ROBO2: variants seen among roughly 807,000 people sequenced by gnomAD.
ROBO2 encodes the protein roundabout homolog 2.
ROBO2 carries 53 observed loss-of-function variants against 160.8 expected under a neutral mutation model. That is an observed-to-expected ratio of 0.33 (90% confidence interval 0.26 to 0.41). The LOEUF (loss-of-function observed/expected upper bound fraction) is 0.41. Ranked by LOEUF, ROBO2 falls within the 10% of genes least tolerant of loss-of-function variation. The pLI, the probability that ROBO2 is intolerant of heterozygous loss-of-function variation, is 1.00. For missense variants in ROBO2, 1,577 were observed against 1,722.4 expected, an observed-to-expected ratio of 0.92 and a Z score of 1.49; for synonymous variants, 664 against 611.7, an observed-to-expected ratio of 1.09 and a Z score of -1.26.
At chr3:77,176,173 G>A (rs1425992854) in intron 2 of ROBO2, among the ~76,000 whole-genome samples, 1 of 151,820 alleles carries the variant, frequency 6.6e-6, no homozygotes, top group Non-Finnish European at 1.5e-5. Context: ...ATTCTAAGAA[G>A]CAAGAGAGGG....
chr3:75,971,283 A>G (rs1270915161), intron 2 of ROBO2, among the ~76,000 whole-genome samples: 1 of 151,548 alleles, frequency 6.6e-6, no homozygotes, highest in Non-Finnish European at 1.5e-5. Context: ...TCAAAATATA[A>G]TAATGAGGTA....
intron 1 of ROBO2, among the ~76,000 whole-genome samples, chr3:77,065,113 C>T (rs1047777900): frequency 6.6e-6 from 1 of 152,118 alleles, no homozygotes; most frequent in African/African-American, 2.4e-5. Context: ...GAGGGAACTG[C>T]ATATAAAATA....
At chr3:77,017,218 T>TA (rs1205480984) in intron 2 of ROBO2, among the ~76,000 whole-genome samples, 3 of 152,214 alleles carry the variant, frequency 2.0e-5, no homozygotes, top group African/African-American at 7.2e-5. Flanking sequence ...TCTAATTTTA[T>TA]AAACTGCAAG....
chr3:76,866,526 C>T (rs554284515), intron 2 of ROBO2, among the ~76,000 whole-genome samples: 36 of 152,084 alleles, frequency 2.4e-4, no homozygotes, highest in African/African-American at 8.7e-4. Flanking sequence ...TTACATTAAA[C>T]TAAAATTAAT....
intron 8 of ROBO2, among the ~76,000 whole-genome samples, chr3:77,552,863 A>T (rs192995011): frequency 5.3e-5 from 8 of 152,158 alleles, no homozygotes; most frequent in African/African-American, 1.9e-4. Flanking sequence ...GATTTTTCAT[A>T]CAGGTTAATG....
chr3:77,309,696 G>T (rs2063382235), intron 2 of ROBO2, among the ~76,000 whole-genome samples: 1 of 152,184 alleles, frequency 6.6e-6, no homozygotes, highest in African/African-American at 2.4e-5. Flanking sequence ...GTCTGCAAAG[G>T]CAAAACATCA....
intron 2 of ROBO2, among the ~76,000 whole-genome samples, chr3:76,516,771 A>C (rs1425770324): frequency 6.6e-6 from 1 of 152,164 alleles, no homozygotes; most frequent in Non-Finnish European, 1.5e-5. Flanking sequence ...ATTCCGACCT[A>C]AAAACAGTAT....
intron 2 of ROBO2, among the ~76,000 whole-genome samples, chr3:76,398,986 A>C (rs2077651526): frequency 6.6e-6 from 1 of 151,834 alleles, no homozygotes; most frequent in African/African-American, 2.4e-5. Flanking sequence ...TAAATTACAC[A>C]CAAATAATAC....
chr3:77,216,213 G>C (rs1032485478), intron 2 of ROBO2, among the ~76,000 whole-genome samples: 1 of 152,202 alleles, frequency 6.6e-6, no homozygotes, highest in Admixed American at 6.5e-5. Flanking sequence ...TTGAGCTACA[G>C]TGGGCTCCAC....
chr3:76,350,314 A>G (rs561632321), intron 2 of ROBO2, among the ~76,000 whole-genome samples: 1 of 152,208 alleles, frequency 6.6e-6, no homozygotes, highest in Admixed American at 6.6e-5. Flanking sequence ...TCTGTTTTCC[A>G]TAACTGATAT....
chr3:77,362,055 C>A (rs531988395), intron 2 of ROBO2, among the ~76,000 whole-genome samples: 1 of 152,030 alleles, frequency 6.6e-6, no homozygotes, highest in African/African-American at 2.4e-5. Context: ...GTAATAAATA[C>A]AATAATGGGG....
intron 2 of ROBO2, among the ~76,000 whole-genome samples, chr3:76,198,336 A>C (rs976738856): frequency 5.9e-5 from 9 of 152,176 alleles, no homozygotes; most frequent in Non-Finnish European, 1.0e-4. Context: ...GGCACAATTG[A>C]TCAGCATTAA....
Position 76,374,586 on chromosome 3 carries a change from A to G in ROBO2, c.109+436984A>G, listed in dbSNP as rs945687516. ...TTTAAAAGTAGTTGGATTATCAGAGAAAAAAACTCCCCTTACATGCTAGTT... is the reference window on the plus strand; with the variant it reads ...TTTAAAAGTAGTTGGATTATCAGAGGAAAAAACTCCCCTTACATGCTAGTT... On this transcript the variant is annotated intron_variant, in intron 2 of 26. Transcript: ENST00000487694. Among the ~76,000 whole-genome samples, 3 of 151,886 alleles carry G rather than the reference A, an allele frequency of 2.0e-5. No individual in the cohort carries two copies. In the East Asian group the frequency reaches 5.8e-4, roughly 29 times the overall value.
chr3:76,578,360 A>G (rs1348481308), intron 2 of ROBO2, among the ~76,000 whole-genome samples: 1 of 151,874 alleles, frequency 6.6e-6, no homozygotes, highest in East Asian at 1.9e-4. Context: ...GTCTCTACTC[A>G]TTTTCTCAGT....
At chr3:76,841,231 G>A (rs1167123386) in intron 2 of ROBO2, among the ~76,000 whole-genome samples, 2 of 152,122 alleles carry the variant, frequency 1.3e-5, no homozygotes, top group African/African-American at 4.8e-5. Context: ...CAGATATGTG[G>A]GGCTAACATT....
chr3:76,814,122 C>A lies in ROBO2; in HGVS notation c.110-283892C>A, dbSNP rs562659010. ...ATGGGCAAATTAAAAACGAAGTATCCGTCTGGTTAGTATGTAAGATAAAGA... is the reference window on the plus strand; with the variant it reads ...ATGGGCAAATTAAAAACGAAGTATCAGTCTGGTTAGTATGTAAGATAAAGA... On this transcript the variant is annotated intron_variant, in intron 2 of 26. Coordinates refer to the ROBO2 transcript ENST00000487694. 5.3e-5 allele frequency among the ~76,000 whole-genome samples: 8 copies of A among 151,970 alleles called. No individual in the cohort carries two copies. The South Asian group carries it at 1.7e-3, about 32-fold the overall frequency.
intron 2 of ROBO2, among the ~76,000 whole-genome samples, chr3:76,565,672 T>C (rs2084474089): frequency 6.6e-6 from 1 of 152,202 alleles, no homozygotes. Flanking sequence ...AAGTAAGATT[T>C]ATTTTCTGAG....
At chr3:76,665,500 C>A (rs1483680872) in intron 2 of ROBO2, among the ~76,000 whole-genome samples, 1 of 151,836 alleles carries the variant, frequency 6.6e-6, no homozygotes, top group Non-Finnish European at 1.5e-5. Context: ...TCCTAGACCA[C>A]AAGCACCTCC....
In ROBO2 at chr3:77,379,637, C is replaced by T. The variant is rs143307511; in HGVS notation, c.389-97777C>T. ...TGAACATTTTAAAAATAATAAATGA[C>T]GTTTATCCTTTGTCCCCATGTGTGA... is the stretch of plus-strand genomic sequence containing the variant. On this transcript the variant is annotated intron_variant, in intron 2 of 25. Transcript: ENST00000461745. 3.3e-3 allele frequency among the ~76,000 whole-genome samples: 501 copies of T among 152,212 alleles called. 12 individuals carry two copies. The highest frequency in any genetic ancestry group is 0.03 in the Admixed American group (454 of 15,294).
Sources: gnomAD v4.1 joint callset for allele counts (sites outside exome capture counted in the v4.1 genomes callset) on GRCh38, gnomAD v4.1.1 for gene constraint, MANE v1.5 for transcripts, NCBI Gene and HGNC (gene_info 2026-07-23, HGNC 2026-07-21) for gene names.